PCMTD1: variants seen among roughly 807,000 people sequenced by gnomAD.
The protein encoded by PCMTD1 is protein-L-isoaspartate (D-aspartate) O-methyltransferase domain containing 1.
PCMTD1 carries 12 observed loss-of-function variants against 37.6 expected under a neutral mutation model. That is an observed-to-expected ratio of 0.32 (90% CI 0.20 to 0.52). The LOEUF (loss-of-function observed/expected upper bound fraction) is 0.52. Ranked by LOEUF, PCMTD1 falls within the 20% of genes least tolerant of loss-of-function variation. The pLI is 0.97. For synonymous variants in PCMTD1, 117 were observed against 135.8 expected, an observed-to-expected ratio of 0.86 and a Z score of 0.96; for missense variants, 235 against 421.3, an observed-to-expected ratio of 0.56 and a Z score of 3.87.
chr8:51,859,223 G>A (rs2038436293), intron 2 of PCMTD1, among the ~76,000 whole-genome samples: 1 of 151,860 alleles, frequency 6.6e-6, no homozygotes, highest in Non-Finnish European at 1.5e-5. Flanking sequence ...AAATGTTCAA[G>A]GACAGCAATT....
At chr8:51,821,640 G>C (rs534547547) in intron 5 of PCMTD1, among the ~76,000 whole-genome samples, 2 of 152,200 alleles carry the variant, frequency 1.3e-5, no homozygotes, top group Non-Finnish European at 2.9e-5. Context: ...TAATCAGGGA[G>C]GAGTTGCTAA....
chr8:51,899,060 G>C (rs753169386), upstream of PCMTD1: 2 of 1,499,656 alleles, frequency 1.3e-6, no homozygotes, highest in Non-Finnish European at 8.8e-7. Context: ...CCGGACCCGC[G>C]ACTGGAGCAG....
chr8:51,899,114 G>A, upstream of PCMTD1: 2 of 1,441,278 alleles, frequency 1.4e-6, no homozygotes, highest in South Asian at 2.7e-5. Context: ...CCGGGCATGC[G>A]CAGAGAACCA....
At chr8:51,824,990 T>C (rs2037901848) in intron 5 of PCMTD1, among the ~76,000 whole-genome samples, 2 of 152,178 alleles carry the variant, frequency 1.3e-5, no homozygotes, top group African/African-American at 2.4e-5. Context: ...TGGCTAGCCA[T>C]ATGCAGAAAA....
chr8:51,826,932 A>G (rs896440871), intron 5 of PCMTD1: 2 of 889,254 alleles, frequency 2.2e-6, no homozygotes, highest in Non-Finnish European at 2.7e-6. Flanking sequence ...TTATGACTCC[A>G]CTTTAGTAAG....
intron 1 of PCMTD1, among the ~76,000 whole-genome samples, chr8:51,888,053 A>C (rs1282079928): frequency 6.6e-6 from 1 of 152,126 alleles, no homozygotes; most frequent in Non-Finnish European, 1.5e-5. Flanking sequence ...AAGTTTTCAT[A>C]ATTTCTAATA....
chr8:51,898,318 T>C (rs1359937102), intron 1 of PCMTD1, among the ~76,000 whole-genome samples: 1 of 151,974 alleles, frequency 6.6e-6, no homozygotes, highest in Non-Finnish European at 1.5e-5. Context: ...GTGTCTGAAA[T>C]TCCCCAAGCA....
chr8:51,827,942 C>T (rs966033342), intron 5 of PCMTD1, among the ~76,000 whole-genome samples: 1 of 151,864 alleles, frequency 6.6e-6, no homozygotes, highest in Non-Finnish European at 1.5e-5. Context: ...TGTTGAAATT[C>T]TTAAAATGAG....
chr8:51,870,736 G>A (rs1215310590), intron 1 of PCMTD1, among the ~76,000 whole-genome samples: 1 of 152,158 alleles, frequency 6.6e-6, no homozygotes, highest in East Asian at 1.9e-4. Context: ...TTGCTCAGAG[G>A]CTCCTGACGC....
At chr8:51,863,851 T>C (rs2038510961) in intron 1 of PCMTD1, among the ~76,000 whole-genome samples, 1 of 151,262 alleles carries the variant, frequency 6.6e-6, no homozygotes, top group Non-Finnish European at 1.5e-5. Flanking sequence ...TGCTTGAACT[T>C]GGGAGGCAGA....
At chr8:51,831,734 T>C (rs1232421276) in intron 4 of PCMTD1, among the ~76,000 whole-genome samples, 167 bp from the exon 5 acceptor site, 2 of 152,186 alleles carry the variant, frequency 1.3e-5, no homozygotes, top group African/African-American at 4.8e-5. Flanking sequence ...CTATAAGATA[T>C]AAAAGGAATG....
At chr8:51,836,949 T>C (rs148738294) in intron 3 of PCMTD1, among the ~76,000 whole-genome samples, 1 of 152,308 alleles carries the variant, frequency 6.6e-6, no homozygotes, top group Non-Finnish European at 1.5e-5. Context: ...TGGAGCTTCA[T>C]GTTACAGAAT....
chr8:51,854,425 A>C (rs4330683), intron 2 of PCMTD1, among the ~76,000 whole-genome samples: 104,486 of 152,032 alleles, frequency 0.69, 42,360 homozygotes, highest in Non-Finnish European at 0.9. Flanking sequence ...CCATACAGAG[A>C]ACAAGAGCAG....
At chr8:51,825,296 C>T (rs1018326312) in intron 5 of PCMTD1, among the ~76,000 whole-genome samples, 18 of 152,162 alleles carry the variant, frequency 1.2e-4, no homozygotes, top group Non-Finnish European at 2.2e-4. Context: ...ATCTATCCAT[C>T]TGACAAAGGG....
chr8:51,892,159 C>T (rs531445842), intron 1 of PCMTD1, among the ~76,000 whole-genome samples: 9 of 152,318 alleles, frequency 5.9e-5, no homozygotes, highest in Non-Finnish European at 1.2e-4. Context: ...TTAATAACCA[C>T]ATACAATATT....
chr8:51,820,762 A>G (rs762309028), intron 5 of PCMTD1, 44 bp from the exon 6 acceptor site: 7 of 1,475,836 alleles, frequency 4.7e-6, no homozygotes, highest in Non-Finnish European at 6.3e-6. Context: ...ATTAACAATA[A>G]AACATTATCT....
At position 51,891,965 on chromosome 8, in the gene PCMTD1, C is replaced by A. The variant is rs563080437; in HGVS notation, c.-96+6965G>T. On this transcript the variant is annotated intron_variant, in intron 1 of 5. Transcript: ENST00000522514. ...AATTCTGACTGACATTTTTAATATG[C>A]ACGAATATATTGTTTCTGTTTATAC... Among the ~76,000 whole-genome samples the A allele has an allele frequency of 6.6e-5, 10 of 152,146 alleles. No individual in the cohort carries two copies. The South Asian group carries it at 2.1e-3, about 32-fold the overall frequency.
intron 2 of PCMTD1, among the ~76,000 whole-genome samples, chr8:51,859,531 C>T (rs1250089117): frequency 6.6e-6 from 1 of 152,162 alleles, no homozygotes; most frequent in African/African-American, 2.4e-5. Context: ...TCCATCCCCA[C>T]ACTCAAATGA....
At chr8:51,831,690 A>C in intron 4 of PCMTD1, 123 bp from the exon 5 acceptor site, 2 of 849,590 alleles carry the variant, frequency 2.4e-6, no homozygotes, top group Non-Finnish European at 3.4e-6. Context: ...ACTTAAATGT[A>C]AATGTGACCA....
Sources: gnomAD v4.1 joint callset for allele counts (sites outside exome capture counted in the v4.1 genomes callset) on GRCh38, gnomAD v4.1.1 for gene constraint, MANE v1.5 for transcripts, NCBI Gene and HGNC (gene_info 2026-07-23, HGNC 2026-07-21) for gene names.